The following ZDHHC9 variants were observed in gnomAD, a reference collection of about 807,000 sequenced individuals.
The protein encoded by ZDHHC9 is palmitoyltransferase ZDHHC9.
Under a neutral mutation model 26.6 loss-of-function variants are expected in ZDHHC9, and 3 were observed. The observed-to-expected ratio is 0.11, with a 90% CI of 0.05 to 0.29. The LOEUF is 0.29. ZDHHC9 is among the 10% of genes least tolerant of loss of function. The pLI, the probability that ZDHHC9 is intolerant of heterozygous loss-of-function variation, is 1.00. For missense variants in ZDHHC9, 146 were observed against 296.4 expected (o/e 0.49, Z 3.73); for synonymous variants, 111 against 109.4 (o/e 1.01, Z -0.09).
At chrX:129,835,264 T>A (rs1403518536) in intron 3 of ZDHHC9, among the ~76,000 whole-genome samples, 1 of 105,749 alleles carries the variant, frequency 9.5e-6, no homozygotes, top group African/African-American at 3.5e-5. Context: ...CTGGGCAAGA[T>A]GGTGAGATCC....
chrX:129,839,149 T>C (rs972852496), intron 3 of ZDHHC9, among the ~76,000 whole-genome samples: 1 of 111,698 alleles, frequency 9.0e-6, no homozygotes, highest in East Asian at 2.8e-4. Context: ...GATCACCATT[T>C]GTCTATTCAG....
chrX:129,842,949 T>TA (rs764187936), intron 2 of ZDHHC9, among the ~76,000 whole-genome samples: 4 of 112,439 alleles, frequency 3.6e-5, no homozygotes, highest in Admixed American at 9.4e-5. Flanking sequence ...GGACATGTCC[T>TA]AAGTACCATC....
intron 5 of ZDHHC9, among the ~76,000 whole-genome samples, chrX:129,819,104 C>T (rs772982487): frequency 3.5e-4 from 32 of 92,070 alleles, no homozygotes; most frequent in Admixed American, 9.9e-4. Context: ...ACCCAGGAGG[C>T]GGAGCTTGCA....
intron 3 of ZDHHC9, among the ~76,000 whole-genome samples, chrX:129,840,483 A>G (rs899102859): frequency 5.4e-5 from 6 of 111,525 alleles, no homozygotes; most frequent in African/African-American, 2.0e-4. Context: ...TACCACACAC[A>G]AGCACGTGCG....
intron 4 of ZDHHC9, 146 bp from the exon 5 acceptor site, chrX:129,823,983 A>G: frequency 1.9e-6 from 1 of 523,575 alleles, no homozygotes; most frequent in Non-Finnish European, 3.3e-6. Flanking sequence ...ATCACAGAAT[A>G]TGCCCATAAA....
In ZDHHC9 at chrX:129,842,041, G is replaced by A. The variant is rs1305626588; in HGVS notation, c.-96C>T. On this transcript the variant is annotated 5_prime_UTR_variant, in exon 3 of 11. Transcript: ENST00000357166. ...TGAAATCACGTTGCCTGCTATTCCTGCCGCTGGGTCAAACATCATCAAAAG... is the reference window on the plus strand; with the variant it reads ...TGAAATCACGTTGCCTGCTATTCCTACCGCTGGGTCAAACATCATCAAAAG... 1.9e-6 allele frequency: 2 copies of A among 1,074,462 alleles called. No homozygotes were observed. Among genetic ancestry groups the A allele is most frequent in the African/African-American group, 1.8e-5 (1 of 54,139 alleles). The allele number at this position is 1,074,462 out of a possible 1,213,427, so 88.5% of individuals were successfully genotyped here. A position where few individuals can be genotyped will look rare whatever the true frequency, so the allele number is the denominator to read the frequency against.
At chrX:129,828,138 G>A (rs999234049) in intron 4 of ZDHHC9, among the ~76,000 whole-genome samples, 6 of 111,840 alleles carry the variant, frequency 5.4e-5, no homozygotes, top group African/African-American at 1.6e-4. Context: ...TTCTTGGTTG[G>A]GGGGGACATG....
chrX:129,808,915 C>A (rs1390426265), intron 10 of ZDHHC9, among the ~76,000 whole-genome samples: 1 of 112,142 alleles, frequency 8.9e-6, no homozygotes, highest in Non-Finnish European at 1.9e-5. Flanking sequence ...AAGCTCTGAA[C>A]AGACACTTCT....
intron 3 of ZDHHC9, among the ~76,000 whole-genome samples, chrX:129,837,292 T>TTTCAAGCTA (rs973781245): frequency 1.4e-4 from 16 of 112,382 alleles, no homozygotes; most frequent in African/African-American, 5.2e-4. Context: ...ACATAGTCTC[T>TTTCAAGCTA]GACCTTGAAA....
intron 3 of ZDHHC9, among the ~76,000 whole-genome samples, chrX:129,832,810 A>C (rs955546607): frequency 1.8e-4 from 19 of 107,297 alleles, no homozygotes; most frequent in South Asian, 8.3e-4. Flanking sequence ...TAAATAAATA[A>C]ATACATAAGC....
intron 5 of ZDHHC9, among the ~76,000 whole-genome samples, chrX:129,815,751 GA>G (rs761330288): frequency 3.7e-5 from 4 of 106,896 alleles, no homozygotes; most frequent in African/African-American, 1.0e-4. Context: ...GAAGACTAAA[GA>G]AAAAAAAACA....
chrX:129,832,975 A>G (rs1462661836), intron 3 of ZDHHC9, among the ~76,000 whole-genome samples: 1 of 103,362 alleles, frequency 9.7e-6, no homozygotes, highest in African/African-American at 3.4e-5. Flanking sequence ...AAAAAAAAAA[A>G]AAAAAAAAAG....
rs1927465720 is a variant in ZDHHC9, at chrX:129,804,499, G to A, written c.*1871C>T. 9.0e-6 allele frequency: 1 copy of A among 111,127 alleles called. No homozygotes were observed. Among genetic ancestry groups the A allele is most frequent in the Non-Finnish European group, 1.9e-5 (1 of 52,928 alleles). 9.2% of individuals were successfully genotyped at this position (111,127 alleles called of 1,213,427 possible). On this transcript the variant is annotated 3_prime_UTR_variant, in exon 11 of 11. Transcript: ENST00000357166. ...GAAGTATGAGATGGGAATTGATAGG[G>A]AGTCTTGATTATACACCACCTAGAA...
At chrX:129,822,700 G>A (rs1045096758) in intron 5 of ZDHHC9, among the ~76,000 whole-genome samples, 14 of 111,154 alleles carry the variant, frequency 1.3e-4, no homozygotes, top group Middle Eastern at 4.6e-3. Context: ...ACACGCTGCC[G>A]AAGAGAGCAC....
chrX:129,838,334 C>T (rs1370702626), intron 3 of ZDHHC9, among the ~76,000 whole-genome samples: 1 of 111,564 alleles, frequency 9.0e-6, no homozygotes, highest in Non-Finnish European at 1.9e-5. Context: ...CAAATTTCTA[C>T]TCGGTGACAG....
chrX:129,842,234 A>T (rs1928400402), intron 2 of ZDHHC9, among the ~76,000 whole-genome samples, 154 bp from the exon 3 acceptor site: 1 of 112,176 alleles, frequency 8.9e-6, no homozygotes, highest in African/African-American at 3.2e-5. Context: ...TTGTTCTCTA[A>T]AAGAAGGTAT....
At chrX:129,824,300 T>G (rs930149673) in intron 4 of ZDHHC9, among the ~76,000 whole-genome samples, 1 of 111,343 alleles carries the variant, frequency 9.0e-6, no homozygotes, top group Admixed American at 9.6e-5. Flanking sequence ...TTTTTTTCTT[T>G]TAAGATGAAG....
At chrX:129,811,910 T>C (rs1927650291) in intron 8 of ZDHHC9, among the ~76,000 whole-genome samples, 1 of 111,509 alleles carries the variant, frequency 9.0e-6, no homozygotes, top group African/African-American at 3.3e-5. Context: ...TATTTAAAAG[T>C]ACATAATATA....
chrX:129,841,087 C>T (rs1278283715), intron 3 of ZDHHC9, among the ~76,000 whole-genome samples: 3 of 84,152 alleles, frequency 3.6e-5, no homozygotes, highest in South Asian at 5.0e-4. Context: ...AGAATCCAGC[C>T]GGCCACCTCC....
Sources: allele counts gnomAD v4.1 joint callset (sites outside exome capture counted in the v4.1 genomes callset), GRCh38; gene constraint gnomAD v4.1.1; transcripts MANE v1.5; gene names NCBI Gene and HGNC (gene_info 2026-07-23, HGNC 2026-07-21).